Variants in ERG observed in about 807,000 individuals in gnomAD.
ERG encodes the protein transcriptional regulator ERG.
In ERG, 9 loss-of-function variants were observed where a neutral mutation model predicts 55.3. That is an observed-to-expected ratio of 0.16 (90% CI 0.10 to 0.28). The LOEUF (loss-of-function observed/expected upper bound fraction) is 0.28. Among genes scored for constraint, ERG ranks in the 10% least tolerant of loss-of-function variants. The probability of loss-of-function intolerance (pLI) is 1.00; values close to 1 mark genes in which losing one functional copy is unlikely to be tolerated. For synonymous variants in ERG, 223 were observed against 237.3 expected, an observed-to-expected ratio of 0.94 and a Z score of 0.55; for missense variants, 434 against 631.6, an observed-to-expected ratio of 0.69 and a Z score of 3.35.
chr21:38,578,880 T>C (rs1268450372), intron 1 of ERG, among the ~76,000 whole-genome samples: 1 of 152,122 alleles, frequency 6.6e-6, no homozygotes, highest in Non-Finnish European at 1.5e-5. Flanking sequence ...CAATGTACAA[T>C]CAGATTACCG....
chr21:38,368,513 G>A, the ERG span, among the ~76,000 whole-genome samples: 1 of 152,076 alleles, frequency 6.6e-6, no homozygotes. Flanking sequence ...CTATATGCAT[G>A]ACCCAATCAC....
chr21:38,533,753 G>A (rs925740913), intron 2 of ERG, among the ~76,000 whole-genome samples: 5 of 152,174 alleles, frequency 3.3e-5, no homozygotes, highest in East Asian at 1.9e-4. Flanking sequence ...CGCAAAGGGC[G>A]TAAACTAACG....
chr21:38,492,864 G>A (rs2059348146), intron 1 of ERG, among the ~76,000 whole-genome samples: 1 of 151,870 alleles, frequency 6.6e-6, no homozygotes, highest in Non-Finnish European at 1.5e-5. Flanking sequence ...AGCCAAAATG[G>A]GTTCACAGCA....
the ERG span, among the ~76,000 whole-genome samples, chr21:38,369,255 T>G: frequency 6.6e-6 from 1 of 152,388 alleles, no homozygotes; most frequent in East Asian, 1.9e-4. Context: ...CATTCCTTTT[T>G]ATTCACAACC....
intron 2 of ERG, among the ~76,000 whole-genome samples, chr21:38,541,191 C>A (rs946170540): frequency 2.6e-5 from 4 of 152,122 alleles, no homozygotes; most frequent in African/African-American, 9.7e-5. Flanking sequence ...CTTTTTATTG[C>A]CCTTTAAGAG....
chr21:38,616,870 T>C (rs1420834285), intron 1 of ERG, among the ~76,000 whole-genome samples: 3 of 152,218 alleles, frequency 2.0e-5, no homozygotes, highest in Non-Finnish European at 2.9e-5. Flanking sequence ...GCTGAAATTT[T>C]CTTGGAGCCA....
At chr21:38,599,779 G>A (rs1601297429) in intron 1 of ERG, among the ~76,000 whole-genome samples, 1 of 152,358 alleles carries the variant, frequency 6.6e-6, no homozygotes, top group South Asian at 2.1e-4. Context: ...GGTGCCTGAG[G>A]AGACTCGGAA....
chr21:38,468,163 CTG>C (rs1308533607), intron 1 of ERG, among the ~76,000 whole-genome samples: 1 of 152,178 alleles, frequency 6.6e-6, no homozygotes, highest in African/African-American at 2.4e-5. Flanking sequence ...TGGAATGAGA[CTG>C]TGGTTCCTAT....
intron 1 of ERG, among the ~76,000 whole-genome samples, chr21:38,638,936 C>T (rs1163053140): frequency 1.3e-5 from 2 of 152,148 alleles, no homozygotes; most frequent in African/African-American, 4.8e-5. Context: ...AATGAGGCAA[C>T]ATACTGAAAA....
chr21:38,575,307 A>T (rs1021391637), intron 2 of ERG, among the ~76,000 whole-genome samples: 1 of 152,192 alleles, frequency 6.6e-6, no homozygotes, highest in Non-Finnish European at 1.5e-5. Context: ...ATTTTTTCTG[A>T]AAAGGTCCAG....
chr21:38,565,299 C>T (rs536316613), intron 2 of ERG, among the ~76,000 whole-genome samples: 10 of 152,326 alleles, frequency 6.6e-5, no homozygotes, highest in African/African-American at 2.4e-4. Flanking sequence ...ACACAACAGC[C>T]AACATGGTTC....
chr21:38,573,504 A>C (rs1601259436), intron 2 of ERG, among the ~76,000 whole-genome samples: 2 of 152,216 alleles, frequency 1.3e-5, no homozygotes, highest in Admixed American at 1.3e-4. Context: ...CTGCTTTGTT[A>C]TTCTTTACTC....
At position 38,634,675 on chromosome 21, in the gene ERG, T is replaced by C. The variant is rs533763959; in HGVS notation, c.-150+26983A>G. On this transcript the variant is annotated intron_variant, in intron 1 of 10. Coordinates refer to the ERG transcript ENST00000398910. ...GCCTGCACGAAGACCCAATATTCCATTGTTTTTAACACAGACCTATAATGA... is the reference window on the plus strand; with the variant it reads ...GCCTGCACGAAGACCCAATATTCCACTGTTTTTAACACAGACCTATAATGA... 1.3e-4 allele frequency among the ~76,000 whole-genome samples: 20 copies of C among 152,360 alleles called. No individual in the cohort carries two copies. In the South Asian group the frequency reaches 3.9e-3, roughly 30 times the overall value.
intron 1 of ERG, among the ~76,000 whole-genome samples, chr21:38,451,550 G>C (rs926250009): frequency 6.6e-6 from 1 of 152,188 alleles, no homozygotes; most frequent in Non-Finnish European, 1.5e-5. Flanking sequence ...GATGTCTGCA[G>C]ACCTAAGGAT....
intron 1 of ERG, chr21:38,473,897 AGT>A (rs1342143544): frequency 6.8e-6 from 1 of 146,948 alleles, no homozygotes; most frequent in Non-Finnish European, 1.5e-5. Context: ...TGTGTGTGTA[AGT>A]GTTGTATATG....
At chr21:38,522,630 T>A (rs938676112) in intron 2 of ERG, among the ~76,000 whole-genome samples, 1 of 152,250 alleles carries the variant, frequency 6.6e-6, no homozygotes, top group Non-Finnish European at 1.5e-5. Flanking sequence ...TATCTAAATA[T>A]TTTATTTTAA....
At chr21:38,638,073 G>A (rs548508878) in intron 1 of ERG, among the ~76,000 whole-genome samples, 1 of 152,336 alleles carries the variant, frequency 6.6e-6, no homozygotes, top group East Asian at 1.9e-4. Flanking sequence ...CATGCAACTC[G>A]AAATGCTGAG....
At chr21:38,428,216 A>C (rs1377348757) in intron 2 of ERG, among the ~76,000 whole-genome samples, 1 of 151,950 alleles carries the variant, frequency 6.6e-6, no homozygotes, top group Admixed American at 6.6e-5. Flanking sequence ...AAGAAAAGGA[A>C]ATTTTATCAC....
At chr21:38,597,495 A>ACACACG (rs2060138753) in intron 1 of ERG, among the ~76,000 whole-genome samples, 1 of 151,946 alleles carries the variant, frequency 6.6e-6, no homozygotes, top group Non-Finnish European at 1.5e-5. Context: ...ACACACACAC[A>ACACACG]CACACGCACA....
Sources: allele counts gnomAD v4.1 joint callset (sites outside exome capture counted in the v4.1 genomes callset), GRCh38; gene constraint gnomAD v4.1.1; transcripts MANE v1.5; gene names NCBI Gene and HGNC (gene_info 2026-07-23, HGNC 2026-07-21).